TGM3: variants seen among roughly 807,000 people sequenced by gnomAD.
TGM3 encodes protein-glutamine gamma-glutamyltransferase E.
In TGM3, 52 loss-of-function variants were observed where a neutral mutation model predicts 73.8. The ratio of observed to expected loss-of-function variants is 0.70; its 90% CI spans 0.56 to 0.89. The LOEUF (loss-of-function observed/expected upper bound fraction) is 0.89. TGM3 is among the 40% of genes least tolerant of loss of function. TGM3 has a pLI of 0.00. For missense variants in TGM3, 928 were observed against 909.9 expected, an observed-to-expected ratio of 1.02 and a Z score of -0.26; for synonymous variants, 372 against 354.9, an observed-to-expected ratio of 1.05 and a Z score of -0.54.
In TGM3 at chr20:2,328,034, C is replaced by A; in HGVS notation, c.1088-86C>A. 1 of 1,575,398 alleles carries A rather than the reference C, an allele frequency of 6.3e-7. No homozygotes were observed. The highest frequency in any genetic ancestry group is 2.2e-5 in the East Asian group (1 of 44,502). ...TGGGCGGGGCAGAGGCAGGGGGTTG[C>A]AGTGGTCCTGGAAGGCCCTGGGGAA... On this transcript the variant is annotated intron_variant, in intron 8 of 12. Transcript: ENST00000381458. The surrounding 1 kb of genome is among the most constrained non-coding windows in gnomAD (Gnocchi z 5.2).
chr20:2,324,509 A>G (rs895470224), intron 7 of TGM3, among the ~76,000 whole-genome samples: 1 of 152,192 alleles, frequency 6.6e-6, no homozygotes, highest in African/African-American at 2.4e-5. Context: ...GGGTCACTCA[A>G]CATGCAAACT....
In TGM3 at chr20:2,339,605, GC is replaced by G. The variant is rs45598640; in HGVS notation, c.1801-245del. On this transcript the variant is annotated intron_variant, in intron 11 of 12. Transcript: ENST00000381458. ...ACAGTGTTGTTGGCTGCTGCAGGGG[GC>G]CCCTTCCCCCTCAAAGCTGAGGTTC... Among the ~76,000 whole-genome samples the G allele has an allele frequency of 4.8e-3, 729 of 152,260 alleles. 4 individuals carry two copies. The highest frequency in any genetic ancestry group is 0.016 in the African/African-American group (657 of 41,546).
intron 7 of TGM3, among the ~76,000 whole-genome samples, chr20:2,322,703 G>A (rs1297262916): frequency 6.6e-6 from 1 of 152,054 alleles, no homozygotes; most frequent in African/African-American, 2.4e-5. Flanking sequence ...TTGTTGAATG[G>A]GGAATAATAA....
chr20:2,325,842 T>A lies in TGM3; in HGVS notation c.984-7T>A, dbSNP rs1245276587. ...GCAAGCGCTGCAGTCTCTGGTTCTA[T>A]CTGCAGGAATTTCCATGTCTGGAAT... On this transcript the variant is annotated splice_polypyrimidine_tract_variant and splice_region_variant and intron_variant, in intron 7 of 12. Transcript: ENST00000381458. The A allele has an allele frequency of 6.5e-7, 1 of 1,548,708 alleles. No individual in the cohort carries two copies. The highest frequency in any genetic ancestry group is 8.8e-7 in the Non-Finnish European group (1 of 1,142,682).
Position 2,332,373 on chromosome 20 carries a change from T to C in TGM3, c.1642+63T>C, listed in dbSNP as rs1228112969. On this transcript the variant is annotated intron_variant, in intron 10 of 12. Transcript: ENST00000381458. This position sits in a 1 kb window ranked among gnomAD's most constrained non-coding sequence, Gnocchi z 4.4. ...GAGGTAGCCAATGGCCTTCTGGGGC[T>C]GCAGGGTGTCTGCTGGGCTCCAGGT... 3.6e-5 allele frequency: 52 copies of C among 1,464,564 alleles called. No individual in the cohort carries two copies. Among genetic ancestry groups the C allele is most frequent in the Non-Finnish European group, 4.4e-5 (48 of 1,101,980 alleles). 90.7% of individuals were successfully genotyped at this position (1,464,564 alleles called of 1,614,324 possible). A position where few individuals can be genotyped will look rare whatever the true frequency, so the allele number is the denominator to read the frequency against.
At position 2,328,135 on chromosome 20, in the gene TGM3, G is replaced by A. The variant is rs768372829; in HGVS notation, c.1103G>A (p.Gly368Asp). The A allele has an allele frequency of 6.2e-7, 1 of 1,614,178 alleles. No homozygotes were observed. Among genetic ancestry groups the A allele is most frequent in the South Asian group, 1.1e-5 (1 of 91,076 alleles). The change falls in exon 9 of 13, where the codon GGC becomes GAC. Residue 368 changes from glycine (G) to aspartate (D), a missense_variant. Gly to Asp is a moderately conservative substitution (Grantham distance 94). Coordinates refer to ENST00000381458, the MANE Select transcript of TGM3 (RefSeq NM_003245.4). The surrounding 1 kb of genome is among the most constrained non-coding windows in gnomAD (Gnocchi z 5.2). The part of the protein sequence containing the change: ...QERSQGVFQC[G>D]PASVIGVREG... ...TGGCCTCCAGGGGTGTTCCAGTGCG[G>A]CCCCGCTTCGGTCATTGGTGTTCGA...
chr20:2,316,541 G>A (rs914830577), intron 5 of TGM3, among the ~76,000 whole-genome samples: 15 of 151,692 alleles, frequency 9.9e-5, no homozygotes, highest in Non-Finnish European at 1.5e-4. Flanking sequence ...CAGCCAGGGC[G>A]ACAGAGAGAG....
Position 2,310,194 on chromosome 20 carries a change from G to A in TGM3, c.198G>A (p.Glu66=), listed in dbSNP as rs750722567. The A allele has an allele frequency of 8.7e-6, 14 of 1,614,062 alleles. No individual in the cohort carries two copies. The Admixed American group carries it at 2.3e-4, about 27-fold the overall frequency. The change falls in exon 3 of 13, where the codon GAG becomes GAA. Residue 66 remains glutamate, a synonymous_variant. Transcript: ENST00000381458. The part of the protein sequence containing the change: ...FIVSTGPYPS[E]SAMTKAVFPL... ...CTTTGACAGGGCCTTACCCCTCAGA[G>A]TCGGCCATGACGAAGGCTGTGTTTC...
intron 7 of TGM3, among the ~76,000 whole-genome samples, chr20:2,323,036 C>G (rs935040538): frequency 6.6e-6 from 1 of 152,148 alleles, no homozygotes; most frequent in Admixed American, 6.5e-5. Context: ...TATCATACAT[C>G]TACATATATA....
At chr20:2,327,634 C>G (rs1471113596) in intron 8 of TGM3, among the ~76,000 whole-genome samples, 1 of 152,146 alleles carries the variant, frequency 6.6e-6, no homozygotes, top group South Asian at 2.1e-4. Context: ...ATCTATCTAT[C>G]TATCTATCTA....
intron 1 of TGM3, among the ~76,000 whole-genome samples, chr20:2,304,681 C>G (rs957656562): frequency 1.3e-5 from 2 of 152,164 alleles, no homozygotes; most frequent in Non-Finnish European, 2.9e-5. Context: ...TCTTAACCGC[C>G]AAATGTGTGG....
At chr20:2,320,173 T>C (rs2084255303) in intron 7 of TGM3, among the ~76,000 whole-genome samples, 1 of 152,206 alleles carries the variant, frequency 6.6e-6, no homozygotes, top group African/African-American at 2.4e-5. Flanking sequence ...TGAATCTTTG[T>C]ATGTTACCAA....
At chr20:2,325,567 T>C (rs2084282258) in intron 7 of TGM3, among the ~76,000 whole-genome samples, 1 of 152,220 alleles carries the variant, frequency 6.6e-6, no homozygotes, top group African/African-American at 2.4e-5. Context: ...GAGTTAGGCA[T>C]ACATGGGTCC....
chr20:2,313,717 C>T (rs969493093), intron 5 of TGM3, among the ~76,000 whole-genome samples: 1 of 152,178 alleles, frequency 6.6e-6, no homozygotes, highest in African/African-American at 2.4e-5. Flanking sequence ...TATGGCTCTG[C>T]ACTCATTGTG....
Position 2,325,900 on chromosome 20 carries a change from C to A in TGM3, c.1035C>A (p.Pro345=). 6.3e-7 allele frequency: 1 copy of A among 1,591,464 alleles called. No homozygotes were observed. ...EGWFVRSDLG[P]SYGGWQVLDA... ...GGTTTGTGAGGTCTGACCTGGGCCC[C>A]TCGTACGGTGGATGGCAGGTGTTGG... The change falls in exon 8 of 13, where the codon CCC becomes CCA. Residue 345 remains proline (P), a synonymous_variant. Coordinates refer to ENST00000381458, the MANE Select transcript of TGM3 (RefSeq NM_003245.4).
chr20:2,321,496 T>A (rs1238086530), intron 7 of TGM3, among the ~76,000 whole-genome samples: 1 of 152,172 alleles, frequency 6.6e-6, no homozygotes, highest in Non-Finnish European at 1.5e-5. Flanking sequence ...GGGGCCACTT[T>A]CTAGGCAAGG....
chr20:2,330,395 C>T (rs45578439), intron 9 of TGM3, among the ~76,000 whole-genome samples: 1 of 152,212 alleles, frequency 6.6e-6, no homozygotes, highest in Non-Finnish European at 1.5e-5. Context: ...GTTGAACTTA[C>T]AGCTGGACTA....
At chr20:2,336,663 G>T (rs1355137548) in intron 11 of TGM3, among the ~76,000 whole-genome samples, 6 of 151,484 alleles carry the variant, frequency 4.0e-5, no homozygotes. Flanking sequence ...TGTGCTTCAG[G>T]ATGGGGGAGT....
chr20:2,317,136 C>G lies in TGM3; in HGVS notation c.738C>G (p.Asp246Glu), dbSNP rs1047182913. 6.2e-7 allele frequency: 1 copy of G among 1,613,860 alleles called. No individual in the cohort carries two copies. Among genetic ancestry groups the G allele is most frequent in the Non-Finnish European group, 8.5e-7 (1 of 1,180,002 alleles). The change falls in exon 6 of 13, where the codon GAC becomes GAG. Residue 246 changes from aspartate (D) to glutamate (E), a missense_variant. Physicochemically the swap from Asp to Glu is conservative, Grantham distance 45. Coordinates refer to ENST00000381458, the MANE Select transcript of TGM3 (RefSeq NM_003245.4). ...GCGGCACTTACACCGGTGGCCGGGA[C>G]CCAAGGAGCTGGAACGGCAGCGTGG... Reference protein sequence around the residue: ...NWSGTYTGGRDPRSWNGSVEI... With the variant: ...NWSGTYTGGREPRSWNGSVEI...
Sources: gnomAD v4.1 joint callset for allele counts (sites outside exome capture counted in the v4.1 genomes callset) on GRCh38, gnomAD v4.1.1 for gene constraint, Gnocchi (gnomAD v3.1) non-coding constraint, MANE v1.5 for transcripts, NCBI Gene and HGNC (gene_info 2026-07-23, HGNC 2026-07-21) for gene names.